The following FHIT variants were observed in gnomAD, a reference collection of about 807,000 sequenced individuals.
FHIT encodes fragile histidine triad diadenosine triphosphatase.
Under a neutral mutation model 17.9 loss-of-function variants are expected in FHIT, and 19 were observed. The observed-to-expected ratio is 1.06, with a 90% CI of 0.74 to 1.56. FHIT has a LOEUF of 1.56. Among genes scored for constraint, FHIT ranks in the 40% most tolerant of loss-of-function variants. The pLI is 0.00. For missense variants in FHIT, 248 were observed against 189.2 expected (o/e 1.31, Z -1.82); for synonymous variants, 81 against 69.7 (o/e 1.16, Z -0.81).
chr3:60,855,422 G>A (rs181946476), intron 3 of FHIT, among the ~76,000 whole-genome samples: 2 of 152,238 alleles, frequency 1.3e-5, no homozygotes, highest in Admixed American at 6.5e-5. Context: ...ATGCTGTCAT[G>A]TTAACGCTTT....
At chr3:60,396,435 A>G (rs1490432277) in intron 5 of FHIT, among the ~76,000 whole-genome samples, 1 of 152,206 alleles carries the variant, frequency 6.6e-6, no homozygotes, top group Non-Finnish European at 1.5e-5. Flanking sequence ...GATGAAAAAC[A>G]AAACCACTTC....
chr3:60,086,878 T>C (rs986940752), intron 5 of FHIT, among the ~76,000 whole-genome samples: 1 of 152,180 alleles, frequency 6.6e-6, no homozygotes, highest in African/African-American at 2.4e-5. Context: ...GGTGGCTGTA[T>C]AATTTGGGAG....
At chr3:59,916,331 C>T (rs1163110013) in intron 8 of FHIT, among the ~76,000 whole-genome samples, 1 of 152,130 alleles carries the variant, frequency 6.6e-6, no homozygotes, top group Non-Finnish European at 1.5e-5. Flanking sequence ...CCTTCAGCAA[C>T]AGACTGAAGG....
intron 2 of FHIT, among the ~76,000 whole-genome samples, chr3:61,042,994 A>G (rs2033596547): frequency 6.6e-6 from 1 of 152,210 alleles, no homozygotes; most frequent in African/African-American, 2.4e-5. Context: ...GAGAGGTTCC[A>G]AGATGGCCGA....
intron 5 of FHIT, among the ~76,000 whole-genome samples, chr3:60,119,610 T>C (rs1705154040): frequency 6.6e-6 from 1 of 152,184 alleles, no homozygotes; most frequent in Non-Finnish European, 1.5e-5. Context: ...GTATGGGTAC[T>C]GTCATCGTGT....
chr3:59,862,366 C>G (rs939687398), intron 8 of FHIT, among the ~76,000 whole-genome samples: 1 of 152,214 alleles, frequency 6.6e-6, no homozygotes, highest in African/African-American at 2.4e-5. Context: ...TCCCACGACA[C>G]ATGGGGATTA....
chr3:59,952,135 CCTTCTACTTTAG>C (rs1396823238), intron 7 of FHIT, among the ~76,000 whole-genome samples: 1 of 152,198 alleles, frequency 6.6e-6, no homozygotes, highest in Non-Finnish European at 1.5e-5. Flanking sequence ...AATTTCACTA[CCTTCTACTTTAG>C]CTACTTAGTC....
chr3:59,988,230 A>T (rs958136970), intron 7 of FHIT, among the ~76,000 whole-genome samples: 1 of 152,072 alleles, frequency 6.6e-6, no homozygotes, highest in Non-Finnish European at 1.5e-5. Context: ...TAACTTCGTT[A>T]AAAATGCACA....
chr3:60,277,842 A>G (rs1232999758), intron 5 of FHIT, among the ~76,000 whole-genome samples: 1 of 152,152 alleles, frequency 6.6e-6, no homozygotes, highest in Non-Finnish European at 1.5e-5. Flanking sequence ...TCCCGGCATG[A>G]GATGACAAAT....
At chr3:60,067,403 C>T (rs533313444) in intron 5 of FHIT, among the ~76,000 whole-genome samples, 1 of 152,272 alleles carries the variant, frequency 6.6e-6, no homozygotes, top group Admixed American at 6.5e-5. Context: ...AATATATATC[C>T]TTTCCCCTAA....
chr3:59,755,086 G>C (rs1371094035), intron 8 of FHIT, among the ~76,000 whole-genome samples: 1 of 152,078 alleles, frequency 6.6e-6, no homozygotes, highest in African/African-American at 2.4e-5. Flanking sequence ...TGTAGATAGA[G>C]CCCACACACA....
chr3:61,204,416 A>G (rs1334106580), intron 1 of FHIT, among the ~76,000 whole-genome samples: 1 of 152,228 alleles, frequency 6.6e-6, no homozygotes, highest in Non-Finnish European at 1.5e-5. Flanking sequence ...TCCGAATTTT[A>G]AAACATACAA....
chr3:60,114,589 A>G (rs570634323), intron 5 of FHIT, among the ~76,000 whole-genome samples: 2 of 138,956 alleles, frequency 1.4e-5, no homozygotes, highest in South Asian at 4.7e-4. Flanking sequence ...CACCTCCTGG[A>G]CTCAAGTCAT....
intron 5 of FHIT, among the ~76,000 whole-genome samples, chr3:60,350,767 C>A (rs1478385838): frequency 1.3e-5 from 2 of 152,150 alleles, no homozygotes; most frequent in Non-Finnish European, 2.9e-5. Context: ...TGTATTCATG[C>A]TCTTGTGTGT....
intron 8 of FHIT, among the ~76,000 whole-genome samples, chr3:59,888,853 T>G (rs1235014501): frequency 6.6e-6 from 1 of 152,212 alleles, no homozygotes; most frequent in African/African-American, 2.4e-5. Flanking sequence ...TTCTGGAGGC[T>G]GGGAAGTCCC....
intron 4 of FHIT, among the ~76,000 whole-genome samples, chr3:60,670,182 AT>A (rs1352188614): frequency 6.6e-6 from 1 of 152,162 alleles, no homozygotes; most frequent in African/African-American, 2.4e-5. Flanking sequence ...ACATTTATTT[AT>A]TGCTTTAATC....
chr3:60,242,419 C>G (rs1337421700), intron 5 of FHIT, among the ~76,000 whole-genome samples: 1 of 152,020 alleles, frequency 6.6e-6, no homozygotes, highest in African/African-American at 2.4e-5. Flanking sequence ...CCTTATTTTT[C>G]TGCAAAGTAC....
intron 5 of FHIT, among the ~76,000 whole-genome samples, chr3:60,218,486 ATTT>A (rs903157353): frequency 6.6e-6 from 1 of 152,132 alleles, no homozygotes; most frequent in African/African-American, 2.4e-5. Flanking sequence ...TAAATGAACA[ATTT>A]TTTCTTTGAA....
chr3:60,506,295 T>C (rs966487774), intron 5 of FHIT, among the ~76,000 whole-genome samples: 1 of 152,184 alleles, frequency 6.6e-6, no homozygotes, highest in African/African-American at 2.4e-5. Context: ...ATGTATTCCA[T>C]AGGATCTGTA....
Sources: allele counts gnomAD v4.1 joint callset (sites outside exome capture counted in the v4.1 genomes callset), GRCh38; gene constraint gnomAD v4.1.1; transcripts MANE v1.5; gene names NCBI Gene and HGNC (gene_info 2026-07-23, HGNC 2026-07-21).